HHAT: variants seen among roughly 807,000 people sequenced by gnomAD.
HHAT encodes hedgehog acyltransferase.
Under a neutral mutation model 70.8 loss-of-function variants are expected in HHAT, and 47 were observed. The observed-to-expected ratio is 0.66, with a 90% CI of 0.53 to 0.85. The LOEUF (loss-of-function observed/expected upper bound fraction) is 0.85, where lower values mean the gene tolerates loss of function less well. HHAT is among the 40% of genes least tolerant of loss of function. The probability of loss-of-function intolerance (pLI) is 0.00; values close to 1 mark genes in which losing one functional copy is unlikely to be tolerated. For synonymous variants in HHAT, 228 were observed against 247.6 expected, an observed-to-expected ratio of 0.92 and a Z score of 0.74; for missense variants, 609 against 604.8, an observed-to-expected ratio of 1.01 and a Z score of -0.07.
chr1:210,339,879 G>A (rs1260758875), intron 1 of HHAT, among the ~76,000 whole-genome samples: 1 of 152,216 alleles, frequency 6.6e-6, no homozygotes, highest in Non-Finnish European at 1.5e-5. Flanking sequence ...GGATGTGGAA[G>A]TAGTGGGTAT....
chr1:210,560,258 A>G (rs1473941827), intron 9 of HHAT, among the ~76,000 whole-genome samples: 1 of 152,208 alleles, frequency 6.6e-6, no homozygotes, highest in East Asian at 1.9e-4. Context: ...GTGAACAAAA[A>G]CAAGGAAAAG....
At chr1:210,513,796 G>A (rs1162847029) in intron 9 of HHAT, among the ~76,000 whole-genome samples, 1 of 152,152 alleles carries the variant, frequency 6.6e-6, no homozygotes, top group Non-Finnish European at 1.5e-5. Context: ...TTTTCTAAAT[G>A]TATTAATATT....
At chr1:210,422,664 G>T (rs1432523923) in intron 7 of HHAT, among the ~76,000 whole-genome samples, 1 of 151,896 alleles carries the variant, frequency 6.6e-6, no homozygotes, top group Non-Finnish European at 1.5e-5. Flanking sequence ...TTGAGACGGA[G>T]TCTCGCTCCA....
At chr1:210,412,564 T>TA (rs966101324) in intron 6 of HHAT, among the ~76,000 whole-genome samples, 15 of 151,860 alleles carry the variant, frequency 9.9e-5, no homozygotes, top group African/African-American at 3.6e-4. Context: ...AAGAAAGGAG[T>TA]AAAAGCTCCT....
At chr1:210,491,563 C>T (rs2094552569) in intron 8 of HHAT, among the ~76,000 whole-genome samples, 1 of 152,174 alleles carries the variant, frequency 6.6e-6, no homozygotes, top group South Asian at 2.1e-4. Context: ...GATAATAGTA[C>T]AACCTTGACA....
intron 9 of HHAT, among the ~76,000 whole-genome samples, chr1:210,558,941 G>A (rs1004439379): frequency 6.6e-6 from 1 of 152,134 alleles, no homozygotes; most frequent in Admixed American, 6.5e-5. Flanking sequence ...AGGAGACTGT[G>A]CTTCTAAAGT....
intron 10 of HHAT, among the ~76,000 whole-genome samples, chr1:210,597,985 C>T (rs916299152): frequency 2.0e-5 from 3 of 151,714 alleles, no homozygotes; most frequent in Non-Finnish European, 4.4e-5. Flanking sequence ...CCACAGCAAG[C>T]ACTGCCTGGC....
At chr1:210,362,660 C>T (rs2088474085) in intron 2 of HHAT, among the ~76,000 whole-genome samples, 192 bp from the exon 3 acceptor site, 1 of 152,160 alleles carries the variant, frequency 6.6e-6, no homozygotes, top group African/African-American at 2.4e-5. Flanking sequence ...AGTGGCTCTA[C>T]ATATTTCCAG....
At chr1:210,573,202 C>G (rs1277033505) in intron 9 of HHAT, among the ~76,000 whole-genome samples, 2 of 152,140 alleles carry the variant, frequency 1.3e-5, no homozygotes, top group Non-Finnish European at 2.9e-5. Context: ...CTGGTTCTTT[C>G]CTAGCCCTTG....
chr1:210,422,546 A>C (rs4400614), intron 7 of HHAT, among the ~76,000 whole-genome samples: 68,181 of 152,068 alleles, frequency 0.45, 15,419 homozygotes, highest in Admixed American at 0.53. Flanking sequence ...AACAGAATGT[A>C]CCCCAGTTCC....
chr1:210,561,091 C>T (rs997704100), intron 9 of HHAT, among the ~76,000 whole-genome samples: 1 of 152,056 alleles, frequency 6.6e-6, no homozygotes, highest in African/African-American at 2.4e-5. Context: ...TTGCCCCGTT[C>T]CAGTTTCTAG....
intron 7 of HHAT, among the ~76,000 whole-genome samples, chr1:210,422,465 A>C (rs2092931972): frequency 6.6e-6 from 1 of 152,148 alleles, no homozygotes; most frequent in Non-Finnish European, 1.5e-5. Context: ...CTTCTGTATG[A>C]ACATTTATTA....
intron 8 of HHAT, among the ~76,000 whole-genome samples, chr1:210,468,232 C>T (rs1183736555): frequency 6.6e-6 from 1 of 152,128 alleles, no homozygotes; most frequent in East Asian, 1.9e-4. Context: ...GGGCTGAGAT[C>T]TGTAATGAGC....
intron 4 of HHAT, among the ~76,000 whole-genome samples, chr1:210,389,950 T>C (rs989055239): frequency 1.3e-5 from 2 of 152,132 alleles, no homozygotes; most frequent in Non-Finnish European, 2.9e-5. Context: ...CTCTGTAAAA[T>C]AGGATCAATA....
intron 9 of HHAT, among the ~76,000 whole-genome samples, chr1:210,566,009 C>T (rs896202580): frequency 6.6e-6 from 1 of 152,146 alleles, no homozygotes; most frequent in African/African-American, 2.4e-5. Context: ...CTCGTGCTGT[C>T]ATCAGGAGTT....
intron 1 of HHAT, among the ~76,000 whole-genome samples, chr1:210,331,187 C>T (rs2147898253): frequency 6.6e-6 from 1 of 152,232 alleles, no homozygotes; most frequent in Non-Finnish European, 1.5e-5. Flanking sequence ...GAATACAACT[C>T]ACCATAGAGT....
intron 7 of HHAT, chr1:210,462,349 T>A (rs932921540): frequency 6.6e-6 from 1 of 152,236 alleles, no homozygotes; most frequent in African/African-American, 2.4e-5. Context: ...CTTACTTTTA[T>A]GTCCTGCCAT....
In HHAT at chr1:210,330,850, G is replaced by A. The variant is rs530299512; in HGVS notation, c.-44+1746G>A. Among the ~76,000 whole-genome samples the A allele has an allele frequency of 8.5e-4, 129 of 152,254 alleles. 2 individuals carry two copies. Among genetic ancestry groups the A allele is most frequent in the African/African-American group, 3.0e-3 (123 of 41,536 alleles). On this transcript the variant is annotated intron_variant, in intron 1 of 11. Transcript: ENST00000261458. ...TTATTTGTTTTGAGACAAGAGTCTC[G>A]CTGGGTCACCCAGGCTGGAGTGCAG... is the stretch of plus-strand genomic sequence containing the variant.
intron 1 of HHAT, among the ~76,000 whole-genome samples, chr1:210,337,704 A>G (rs914952049): frequency 1.3e-5 from 2 of 152,144 alleles, no homozygotes; most frequent in Admixed American, 6.5e-5. Context: ...GCCCACCCAG[A>G]TAATCCAGGC....
Sources: allele counts gnomAD v4.1 joint callset (sites outside exome capture counted in the v4.1 genomes callset), GRCh38; gene constraint gnomAD v4.1.1; transcripts MANE v1.5; gene names NCBI Gene and HGNC (gene_info 2026-07-23, HGNC 2026-07-21).